PPP2R2B: variants seen among roughly 807,000 people sequenced by gnomAD.
The protein encoded by PPP2R2B is serine/threonine-protein phosphatase 2A 55 kDa regulatory subunit B beta isoform.
A neutral mutation model predicts 46.0 loss-of-function variants in PPP2R2B; 5 were observed. The observed-to-expected ratio is 0.11, with a 90% CI of 0.06 to 0.23. The LOEUF (loss-of-function observed/expected upper bound fraction) is 0.23, where lower values mean the gene tolerates loss of function less well. Ranked by LOEUF, PPP2R2B falls within the 10% of genes least tolerant of loss-of-function variation. PPP2R2B has a pLI of 1.00. For synonymous variants in PPP2R2B, 215 were observed against 206.7 expected (o/e 1.04, Z -0.34); for missense variants, 367 against 575.0 (o/e 0.64, Z 3.70).
At chr5:146,857,361 G>A (rs1760734266) in intron 2 of PPP2R2B, among the ~76,000 whole-genome samples, 1 of 151,934 alleles carries the variant, frequency 6.6e-6, no homozygotes, top group Non-Finnish European at 1.5e-5. Flanking sequence ...TTAATGGGAA[G>A]CTTCAACATA....
At position 147,034,310 on chromosome 5, in the gene PPP2R2B, C is replaced by T. The variant is rs375464821; in HGVS notation, c.79+21355G>A. ...TCATTATCACACTATCCTGTATTAT[C>T]TTCTTCACATTTTTTATAGCTAACT... On this transcript the variant is annotated intron_variant, in intron 1 of 8. Coordinates refer to the PPP2R2B transcript ENST00000336640. Among the ~76,000 whole-genome samples the T allele has an allele frequency of 2.5e-4, 38 of 152,198 alleles. No homozygotes were observed. In the East Asian group the frequency reaches 6.9e-3, roughly 28 times the overall value.
intron 1 of PPP2R2B, among the ~76,000 whole-genome samples, chr5:147,041,698 G>T (rs1321276778): frequency 6.6e-6 from 1 of 152,072 alleles, no homozygotes. Context: ...CAGAGCTTTA[G>T]GGGGGCTGTA....
intron 1 of PPP2R2B, among the ~76,000 whole-genome samples, chr5:146,938,872 C>A (rs1049039776): frequency 4.0e-5 from 6 of 149,414 alleles, no homozygotes; most frequent in Admixed American, 6.8e-5. Context: ...CCTCCACCTC[C>A]CAGGTTCAAG....
intron 2 of PPP2R2B, among the ~76,000 whole-genome samples, chr5:146,762,109 A>T (rs532587382): frequency 5.3e-4 from 80 of 152,336 alleles, no homozygotes; most frequent in African/African-American, 1.4e-3. Flanking sequence ...TAATGGAATG[A>T]TATGATTTCA....
At chr5:147,058,519 C>T (rs899638362), upstream of PPP2R2B, among the ~76,000 whole-genome samples, 3 of 152,144 alleles carry the variant, frequency 2.0e-5, no homozygotes, top group African/African-American at 7.2e-5. Flanking sequence ...AATGTGTCTT[C>T]TCCATTAGAA....
At chr5:146,997,129 G>A (rs1753956868) in intron 1 of PPP2R2B, among the ~76,000 whole-genome samples, 1 of 152,078 alleles carries the variant, frequency 6.6e-6, no homozygotes, top group Non-Finnish European at 1.5e-5. Context: ...AACATTCAGA[G>A]TATCCCCATC....
intron 2 of PPP2R2B, among the ~76,000 whole-genome samples, chr5:147,077,291 C>CACACACACAG (rs1473458210): frequency 4.1e-4 from 60 of 147,122 alleles, no homozygotes; most frequent in African/African-American, 1.5e-3. Flanking sequence ...CACACACACA[C>CACACACACAG]ACACACACAC....
At chr5:146,843,722 A>C (rs1368987205) in intron 2 of PPP2R2B, among the ~76,000 whole-genome samples, 1 of 152,180 alleles carries the variant, frequency 6.6e-6, no homozygotes, top group Non-Finnish European at 1.5e-5. Flanking sequence ...ATGATTTCAA[A>C]AATATACTGA....
chr5:146,896,694 T>A (rs924468981), intron 1 of PPP2R2B, among the ~76,000 whole-genome samples: 1 of 152,132 alleles, frequency 6.6e-6, no homozygotes, highest in East Asian at 1.9e-4. Context: ...CTTCCTTTTT[T>A]TTTTCGGTGA....
chr5:147,080,781 TC>T, intron 2 of PPP2R2B, among the ~76,000 whole-genome samples: 1 of 152,220 alleles, frequency 6.6e-6, no homozygotes, highest in Non-Finnish European at 1.5e-5. Context: ...CGCTGACAGA[TC>T]ATCCTGAAAC....
In PPP2R2B at chr5:146,968,344, G is replaced by C. The variant is rs191030869; in HGVS notation, c.79+87321C>G. On this transcript the variant is annotated intron_variant, in intron 1 of 8. Transcript: ENST00000336640. The stretch of plus-strand genomic sequence containing the variant: ...CTTGTAAATTGACAAATCTTGTCTT[G>C]AATATACATTTGCTAAGTATCACCT... Among the ~76,000 whole-genome samples the C allele has an allele frequency of 5.3e-5, 8 of 152,230 alleles. No individual in the cohort carries two copies. In the East Asian group the frequency reaches 1.5e-3, roughly 29 times the overall value.
intron 1 of PPP2R2B, among the ~76,000 whole-genome samples, chr5:146,975,528 G>A (rs566723255): frequency 6.6e-6 from 1 of 152,220 alleles, no homozygotes; most frequent in South Asian, 2.1e-4. Context: ...TATCTGAAGT[G>A]GAATGGCTGG....
chr5:146,760,428 C>T (rs1209991843), intron 2 of PPP2R2B, among the ~76,000 whole-genome samples: 5 of 152,096 alleles, frequency 3.3e-5, no homozygotes, highest in African/African-American at 1.2e-4. Context: ...TCTTTGTGGC[C>T]ACCATGTGCT....
chr5:147,048,324 G>T (rs1244542707), intron 1 of PPP2R2B, among the ~76,000 whole-genome samples: 2 of 152,132 alleles, frequency 1.3e-5, no homozygotes, highest in Non-Finnish European at 2.9e-5. Flanking sequence ...TCACATTTTG[G>T]CTGGGTGGTT....
intron 1 of PPP2R2B, among the ~76,000 whole-genome samples, chr5:146,973,793 A>G (rs1752771214): frequency 6.6e-6 from 1 of 152,222 alleles, no homozygotes; most frequent in African/African-American, 2.4e-5. Context: ...CTCAATGAGA[A>G]ACACAAGTTT....
intron 1 of PPP2R2B, among the ~76,000 whole-genome samples, chr5:147,003,616 T>A (rs1308462605): frequency 6.6e-6 from 1 of 152,142 alleles, no homozygotes; most frequent in East Asian, 1.9e-4. Context: ...AACAATAGAA[T>A]GACAGCTGAA....
intron 1 of PPP2R2B, among the ~76,000 whole-genome samples, chr5:146,894,113 G>T (rs1422291499): frequency 6.6e-6 from 1 of 152,188 alleles, no homozygotes; most frequent in Non-Finnish European, 1.5e-5. Context: ...AAGTTAGCCT[G>T]GATCAGTATC....
intron 9 of PPP2R2B, among the ~76,000 whole-genome samples, chr5:146,592,420 T>G (rs1458138881): frequency 6.6e-6 from 1 of 152,196 alleles, no homozygotes; most frequent in Non-Finnish European, 1.5e-5. Flanking sequence ...GAGAATCATT[T>G]GTATTTGTCA....
chr5:146,963,178 G>T (rs1454352955), intron 1 of PPP2R2B, among the ~76,000 whole-genome samples: 1 of 152,126 alleles, frequency 6.6e-6, no homozygotes. Flanking sequence ...ACTCTCTGTG[G>T]TGGTTATAAC....
Sources: gnomAD v4.1 joint callset for allele counts (sites outside exome capture counted in the v4.1 genomes callset) on GRCh38, gnomAD v4.1.1 for gene constraint, MANE v1.5 for transcripts, NCBI Gene and HGNC (gene_info 2026-07-23, HGNC 2026-07-21) for gene names.